Variants in G3BP2 observed in about 807,000 individuals in gnomAD.
G3BP2 encodes the protein G3BP stress granule assembly factor 2, also known as ras GTPase-activating protein-binding protein 2.
In G3BP2, 11 loss-of-function variants were observed where a neutral mutation model predicts 56.7. That is an observed-to-expected ratio of 0.19 (90% CI 0.12 to 0.32). The LOEUF (loss-of-function observed/expected upper bound fraction) is 0.32, where lower values mean the gene tolerates loss of function less well. Ranked by LOEUF, G3BP2 falls within the 10% of genes least tolerant of loss-of-function variation. The pLI is 1.00. For synonymous variants in G3BP2, 165 were observed against 191.6 expected (o/e 0.86, Z 1.15); for missense variants, 340 against 610.9 (o/e 0.56, Z 4.67).
chr4:75,662,179 A>G (rs1732614580), intron 1 of G3BP2, 130 bp from the exon 2 acceptor site: 3 of 570,966 alleles, frequency 5.3e-6, no homozygotes, highest in Non-Finnish European at 9.6e-6. Flanking sequence ...ACTAATGTTA[A>G]TAAGTTCTGA....
chr4:75,647,530 A>G (rs538302948), intron 9 of G3BP2, among the ~76,000 whole-genome samples: 1 of 152,340 alleles, frequency 6.6e-6, no homozygotes, highest in East Asian at 1.9e-4. Context: ...TTGAAATTCA[A>G]AATTCTTTGG....
intron 1 of G3BP2, chr4:75,662,654 G>A (rs1193306297): frequency 6.6e-6 from 1 of 152,192 alleles, no homozygotes; most frequent in African/African-American, 2.4e-5. Context: ...TCCAACATTT[G>A]TGTCTCCCTT....
At chr4:75,656,791 A>C in intron 5 of G3BP2, 133 bp downstream of exon 5, 1 of 635,338 alleles carries the variant, frequency 1.6e-6, no homozygotes, top group Non-Finnish European at 2.8e-6. Context: ...ACAACAACAA[A>C]ACCATGAAAA....
intron 3 of G3BP2, among the ~76,000 whole-genome samples, chr4:75,713,794 AC>A (rs1220499183): frequency 6.6e-6 from 1 of 152,236 alleles, no homozygotes; most frequent in Non-Finnish European, 1.5e-5. Context: ...ATCTCAAAAA[AC>A]AAAAACAAAC....
intron 3 of G3BP2, among the ~76,000 whole-genome samples, chr4:75,679,616 A>G (rs1247172455): frequency 1.3e-5 from 2 of 152,242 alleles, no homozygotes; most frequent in Non-Finnish European, 2.9e-5. Flanking sequence ...ATGAAAGTCT[A>G]TAAGTAGGTG....
chr4:75,665,986 T>C (rs554956049), intron 1 of G3BP2, among the ~76,000 whole-genome samples: 15 of 152,354 alleles, frequency 9.8e-5, no homozygotes, highest in African/African-American at 3.6e-4. Flanking sequence ...AACACTGTTG[T>C]CATTTATCCC....
intron 3 of G3BP2, among the ~76,000 whole-genome samples, chr4:75,713,679 C>A (rs754495530): frequency 1.3e-5 from 2 of 152,148 alleles, no homozygotes; most frequent in Non-Finnish European, 2.9e-5. Flanking sequence ...GTCCTAGCGA[C>A]TCAGGAGGCT....
At chr4:75,715,982 T>TACAG (rs1401424550) in intron 3 of G3BP2, among the ~76,000 whole-genome samples, 7 of 152,158 alleles carry the variant, frequency 4.6e-5, no homozygotes, top group African/African-American at 1.7e-4. Context: ...CAATAACCTA[T>TACAG]ACAGACCTTA....
At chr4:75,719,127 T>A (rs1028785440) in intron 3 of G3BP2, among the ~76,000 whole-genome samples, 3 of 151,936 alleles carry the variant, frequency 2.0e-5, no homozygotes, top group Non-Finnish European at 4.4e-5. Context: ...GGCGGGCGGA[T>A]CACGAGGTCA....
At chr4:75,694,867 G>C (rs1476235320) in intron 3 of G3BP2, 1 of 985,458 alleles carries the variant, frequency 1.0e-6, no homozygotes, top group Admixed American at 6.1e-5. Context: ...ATCACATCCA[G>C]AAGTAACAGC....
At chr4:75,697,827 A>C (rs758612873) in intron 3 of G3BP2, among the ~76,000 whole-genome samples, 9 of 152,142 alleles carry the variant, frequency 5.9e-5, no homozygotes, top group Non-Finnish European at 1.3e-4. Context: ...CCAGCTACTC[A>C]GGAGGCTGAG....
intron 3 of G3BP2, chr4:75,694,796 A>G (rs1416124897): frequency 1.0e-6 from 1 of 985,790 alleles, no homozygotes; most frequent in Non-Finnish European, 1.2e-6. Context: ...TTTATACCTT[A>G]CCAAGTTCCA....
At chr4:75,669,204 A>G (rs747182501) in intron 1 of G3BP2, among the ~76,000 whole-genome samples, 2 of 152,218 alleles carry the variant, frequency 1.3e-5, no homozygotes, top group African/African-American at 4.8e-5. Flanking sequence ...AGTCTATACC[A>G]TAAGTTCAAA....
At chr4:75,717,912 G>T (rs969541112) in intron 3 of G3BP2, among the ~76,000 whole-genome samples, 3 of 152,006 alleles carry the variant, frequency 2.0e-5, no homozygotes, top group Non-Finnish European at 4.4e-5. Context: ...AGGCTGAGGC[G>T]GGTGGGTCAC....
intron 1 of G3BP2, among the ~76,000 whole-genome samples, chr4:75,722,428 G>C (rs545319009): frequency 1.2e-4 from 18 of 152,240 alleles, no homozygotes; most frequent in African/African-American, 4.1e-4. Context: ...TTGCTAAAAT[G>C]TCAAGGCACT....
At chr4:75,663,438 T>G (rs1732729504) in intron 1 of G3BP2, among the ~76,000 whole-genome samples, 1 of 152,166 alleles carries the variant, frequency 6.6e-6, no homozygotes, top group Admixed American at 6.6e-5. Context: ...TTTTTTAAAT[T>G]TTTTAATTTT....
At chr4:75,658,498 A>G (rs1268633202) in intron 3 of G3BP2, among the ~76,000 whole-genome samples, 1 of 151,786 alleles carries the variant, frequency 6.6e-6, no homozygotes, top group Non-Finnish European at 1.5e-5. Context: ...TGGGAGGCTG[A>G]GGCGGGCAGA....
chr4:75,682,977 C>T (rs1479866804), intron 3 of G3BP2, among the ~76,000 whole-genome samples: 4 of 144,686 alleles, frequency 2.8e-5, no homozygotes, highest in African/African-American at 1.0e-4. Flanking sequence ...AGCGAGACTC[C>T]GTCTCAAAAA....
chr4:75,660,379 T>TTA (rs898883069), intron 2 of G3BP2, among the ~76,000 whole-genome samples: 8 of 152,116 alleles, frequency 5.3e-5, no homozygotes, highest in Admixed American at 1.3e-4. Flanking sequence ...TAGTTACACT[T>TTA]TATATATATA....
Sources: gnomAD v4.1 joint callset for allele counts (sites outside exome capture counted in the v4.1 genomes callset) on GRCh38, gnomAD v4.1.1 for gene constraint, MANE v1.5 for transcripts, NCBI Gene and HGNC (gene_info 2026-07-23, HGNC 2026-07-21) for gene names.